RCOR1: variants seen among roughly 807,000 people sequenced by gnomAD.
The protein encoded by RCOR1 is REST corepressor 1, also known as REST corepressor.
Under a neutral mutation model 64.0 loss-of-function variants are expected in RCOR1, and 12 were observed. The observed-to-expected ratio is 0.19, with a 90% CI of 0.12 to 0.30. The LOEUF (loss-of-function observed/expected upper bound fraction) is 0.30. Among genes scored for constraint, RCOR1 ranks in the 10% least tolerant of loss-of-function variants. RCOR1 has a pLI of 1.00. For synonymous variants in RCOR1, 279 were observed against 227.2 expected (o/e 1.23, Z -2.05); for missense variants, 502 against 621.2 (o/e 0.81, Z 2.04).
intron 2 of RCOR1, among the ~76,000 whole-genome samples, chr14:102,678,599 A>T (rs1242663627): frequency 6.6e-6 from 1 of 152,144 alleles, no homozygotes; most frequent in Non-Finnish European, 1.5e-5. Context: ...GCCTGTGTGC[A>T]GGTTTTATTG....
At chr14:102,657,381 T>A (rs1894748547) in intron 2 of RCOR1, 2 of 985,250 alleles carry the variant, frequency 2.0e-6, no homozygotes, top group African/African-American at 1.7e-5. Context: ...CCGATTTACT[T>A]CTTCTTGGAG....
At chr14:102,665,330 T>TTA (rs1894898152) in intron 2 of RCOR1, among the ~76,000 whole-genome samples, 1 of 142,020 alleles carries the variant, frequency 7.0e-6, no homozygotes, top group Non-Finnish European at 1.5e-5. Flanking sequence ...TTTTTTTTTT[T>TTA]AAATAAAATA....
intron 2 of RCOR1, among the ~76,000 whole-genome samples, chr14:102,653,057 C>T (rs748573684): frequency 6.6e-5 from 10 of 151,836 alleles, no homozygotes; most frequent in African/African-American, 7.3e-5. Flanking sequence ...CTCAGCCTCC[C>T]GAGTAGCTGG....
chr14:102,632,729 TCTCCCCTCCCCTCCCCTCCC>T (rs1166950175), intron 2 of RCOR1, among the ~76,000 whole-genome samples: 513 of 25,302 alleles, frequency 0.02, 31 homozygotes, highest in Non-Finnish European at 0.025. Context: ...TTTCCTTTCT[TCTCCCCTCCCCTCCCCTCCC>T]CTCCCCTCCC....
chr14:102,659,096 G>C lies in RCOR1; in HGVS notation c.362-22799G>C, dbSNP rs74830330. On this transcript the variant is annotated intron_variant, in intron 2 of 11. Transcript: ENST00000262241. Reference sequence around the variant, plus strand: ...TTTGAAATTCTCCCACGAGGAAGCTGCTTTTTCTAGGAAAGGTCTTTGCCC... The same window carrying C: ...TTTGAAATTCTCCCACGAGGAAGCTCCTTTTTCTAGGAAAGGTCTTTGCCC... The C allele has an allele frequency of 1.8e-3, 1,817 of 984,144 alleles. 30 individuals carry two copies. The African/African-American group carries it at 0.03, about 16-fold the overall frequency. 61.0% of individuals were successfully genotyped at this position (984,144 alleles called of 1,614,324 possible).
intron 5 of RCOR1, among the ~76,000 whole-genome samples, chr14:102,707,721 G>C (rs921993328): frequency 6.6e-6 from 1 of 151,932 alleles, no homozygotes. Context: ...CCATCCTGTC[G>C]TCTGTGACTG....
intron 2 of RCOR1, among the ~76,000 whole-genome samples, chr14:102,651,967 T>G (rs1284537867): frequency 1.3e-5 from 2 of 152,246 alleles, no homozygotes; most frequent in Non-Finnish European, 2.9e-5. Flanking sequence ...AAAAGGGAAC[T>G]TACACTGGAG....
intron 5 of RCOR1, 48 bp from the exon 6 acceptor site, chr14:102,708,417 A>G: frequency 8.9e-7 from 1 of 1,124,414 alleles, no homozygotes; most frequent in African/African-American, 1.5e-5. Context: ...TTTGATTTTT[A>G]AAGATTACTT....
At chr14:102,693,864 T>C (rs1193473028) in intron 3 of RCOR1, among the ~76,000 whole-genome samples, 1 of 152,162 alleles carries the variant, frequency 6.6e-6, no homozygotes, top group Non-Finnish European at 1.5e-5. Context: ...TGCTTTTTTT[T>C]TTAATCTTAA....
intron 2 of RCOR1, chr14:102,658,044 G>A (rs1206845104): frequency 6.1e-6 from 4 of 654,838 alleles, no homozygotes; most frequent in East Asian, 1.4e-4. Context: ...GCATGATCTC[G>A]GCTCACTGTA....
intron 2 of RCOR1, chr14:102,649,885 A>C: frequency 1.6e-6 from 1 of 644,696 alleles, no homozygotes; most frequent in Admixed American, 6.3e-5. Flanking sequence ...GCAGTGAAGA[A>C]AGGTGAGAGC....
At chr14:102,642,848 T>C (rs1055707022) in intron 2 of RCOR1, among the ~76,000 whole-genome samples, 2 of 151,656 alleles carry the variant, frequency 1.3e-5, no homozygotes, top group African/African-American at 4.8e-5. Context: ...TAAAAAAAGT[T>C]AGTCTGTGTT....
At chr14:102,694,116 T>C (rs1286698265) in intron 3 of RCOR1, among the ~76,000 whole-genome samples, 1 of 152,150 alleles carries the variant, frequency 6.6e-6, no homozygotes, top group Admixed American at 6.6e-5. Context: ...CACTTTTCAT[T>C]TTCATCACTG....
intron 2 of RCOR1, among the ~76,000 whole-genome samples, chr14:102,678,692 T>G (rs1010118125): frequency 6.6e-6 from 1 of 152,214 alleles, no homozygotes; most frequent in Non-Finnish European, 1.5e-5. Context: ...ATTATGTCTT[T>G]GTAAAAAACT....
At position 102,707,449 on chromosome 14, in the gene RCOR1, T is replaced by C. The variant is rs747273034; in HGVS notation, c.597T>C (p.Asp199=). The C allele has an allele frequency of 1.1e-5, 18 of 1,612,634 alleles. No homozygotes were observed. Among genetic ancestry groups the C allele is most frequent in the Non-Finnish European group, 1.5e-5 (18 of 1,179,584 alleles). Residue 199 remains aspartate (D), a synonymous_variant, in exon 5 of 12, where the codon GAT becomes GAC. Coordinates refer to ENST00000262241, the MANE Select transcript of RCOR1 (RefSeq NM_015156.4). ...TCCCAGATGAGTGGACTGTGGAAGATAAAGTCTTATTTGAGCAAGCCTTTA... is the reference window on the plus strand; with the variant it reads ...TCCCAGATGAGTGGACTGTGGAAGACAAAGTCTTATTTGAGCAAGCCTTTA... The part of the protein sequence containing the change: ...TPFPDEWTVE[D]KVLFEQAFSF...
At chr14:102,632,143 G>A (rs960967947) in intron 2 of RCOR1, among the ~76,000 whole-genome samples, 1 of 150,862 alleles carries the variant, frequency 6.6e-6, no homozygotes, top group African/African-American at 2.4e-5. Flanking sequence ...ACTGAATGAT[G>A]ACAGAAAGAG....
chr14:102,593,370 C>T (rs938793450), intron 2 of RCOR1, 45 bp downstream of exon 2: 2 of 1,467,870 alleles, frequency 1.4e-6, no homozygotes, highest in Admixed American at 2.8e-5. Flanking sequence ...TGAGCGGGAG[C>T]CCCGGGTCCC....
intron 3 of RCOR1, among the ~76,000 whole-genome samples, chr14:102,696,808 C>CTTTTTTTTT (rs71305075): frequency 5.2e-5 from 3 of 57,400 alleles, no homozygotes; most frequent in Non-Finnish European, 6.9e-5. Context: ...ATCTGCTTAT[C>CTTTTTTTTT]TTTTTTTTTT....
chr14:102,683,735 A>T (rs1457146735), intron 3 of RCOR1, among the ~76,000 whole-genome samples: 1 of 152,194 alleles, frequency 6.6e-6, no homozygotes, highest in African/African-American at 2.4e-5. Context: ...ACGCTTAGGG[A>T]GATGTCCCTT....
Sources: allele counts gnomAD v4.1 joint callset (sites outside exome capture counted in the v4.1 genomes callset), GRCh38; gene constraint gnomAD v4.1.1; transcripts MANE v1.5; gene names NCBI Gene and HGNC (gene_info 2026-07-23, HGNC 2026-07-21).